The following KRCC1 variants were observed in gnomAD, a reference collection of about 807,000 sequenced individuals.
The protein encoded by KRCC1 is lysine-rich coiled-coil protein 1.
A neutral mutation model predicts 7.4 loss-of-function variants in KRCC1; 3 were observed. The observed-to-expected ratio is 0.40, with a 90% CI of 0.18 to 1.04. The LOEUF is 1.04. Among genes scored for constraint, KRCC1 ranks in the 50% least tolerant of loss-of-function variants. KRCC1 has a pLI of 0.33. For synonymous variants in KRCC1, 102 were observed against 101.6 expected (o/e 1.00, Z -0.02); for missense variants, 277 against 300.9 (o/e 0.92, Z 0.59).
chr2:88,049,230 A>C (rs183153656), intron 1 of KRCC1, among the ~76,000 whole-genome samples: 4 of 152,240 alleles, frequency 2.6e-5, no homozygotes, highest in Non-Finnish European at 5.9e-5. Context: ...GCCAATAATC[A>C]TAAGTACTCT....
intron 1 of KRCC1, among the ~76,000 whole-genome samples, chr2:88,051,571 T>C (rs781395604): frequency 2.7e-4 from 41 of 152,328 alleles, no homozygotes; most frequent in Non-Finnish European, 5.4e-4. Context: ...TATTTGCCAA[T>C]TGTCAAGTGG....
At chr2:88,028,664 T>TTTTTTTTTTC (rs60603649) in intron 3 of KRCC1, 79 bp from the exon 4 acceptor site, 2 of 712,272 alleles carry the variant, frequency 2.8e-6, no homozygotes, top group Non-Finnish European at 4.4e-6. Context: ...TTTTTTTTTT[T>TTTTTTTTTTC]CTTGAGATGG....
chr2:88,051,090 AT>A (rs1466375676), intron 1 of KRCC1, among the ~76,000 whole-genome samples: 1 of 149,490 alleles, frequency 6.7e-6, no homozygotes, highest in Non-Finnish European at 1.5e-5. Context: ...TGCCTGGCTA[AT>A]TTTTATTTTT....
chr2:88,035,886 T>G (rs1424717794), intron 2 of KRCC1, among the ~76,000 whole-genome samples: 1 of 152,136 alleles, frequency 6.6e-6, no homozygotes, highest in Admixed American at 6.6e-5. Context: ...TACAGTAGAT[T>G]AAGAATTAGG....
intron 1 of KRCC1, among the ~76,000 whole-genome samples, chr2:88,045,520 A>C (rs1673310123): frequency 6.6e-6 from 1 of 152,182 alleles, no homozygotes; most frequent in South Asian, 2.1e-4. Flanking sequence ...AATGCAAACT[A>C]ATCTCTAGTA....
intron 2 of KRCC1, among the ~76,000 whole-genome samples, chr2:88,034,873 G>C (rs1167762618): frequency 6.6e-6 from 1 of 151,994 alleles, no homozygotes; most frequent in Admixed American, 6.6e-5. Flanking sequence ...TAAGTTTTTA[G>C]ATTTCATGTA....
intron 1 of KRCC1, among the ~76,000 whole-genome samples, chr2:88,050,540 T>C (rs1673452714): frequency 1.3e-5 from 2 of 152,162 alleles, no homozygotes; most frequent in Non-Finnish European, 2.9e-5. Context: ...AGAGAATCAC[T>C]TGAACCAGGG....
intron 1 of KRCC1, among the ~76,000 whole-genome samples, chr2:88,047,717 C>T (rs963963832): frequency 6.6e-6 from 1 of 151,424 alleles, no homozygotes; most frequent in Non-Finnish European, 1.5e-5. Flanking sequence ...TTTAGTAGAA[C>T]CGGGGTTTCA....
chr2:88,028,664 T>TTC lies in KRCC1; in HGVS notation c.-22-80_-22-79insGA, dbSNP rs60603649. On this transcript the variant is annotated intron_variant, in intron 3 of 3. Transcript: ENST00000347055. ...TTGCTCTTTTTTTTTTTTTTTTTTTTCTTGAGATGGCGTCTCGCCCTGTCG... is the reference window on the plus strand; with the variant it reads ...TTGCTCTTTTTTTTTTTTTTTTTTTTTCCTTGAGATGGCGTCTCGCCCTGTCG... 5,603 of 735,326 alleles carry TTC rather than the reference T, an allele frequency of 7.6e-3. 56 individuals carry two copies. Among genetic ancestry groups the TTC allele is most frequent in the Non-Finnish European group, 9.6e-3 (4,558 of 473,080 alleles). 45.6% of individuals were successfully genotyped at this position (735,326 alleles called of 1,614,324 possible).
intron 1 of KRCC1, among the ~76,000 whole-genome samples, chr2:88,042,709 C>T (rs543074422): frequency 6.6e-6 from 1 of 152,276 alleles, no homozygotes; most frequent in Admixed American, 6.5e-5. Context: ...TGTGAGCCAC[C>T]GCAGCCACCT....
chr2:88,028,625 C>G, intron 3 of KRCC1, 40 bp from the exon 4 acceptor site: 1 of 1,103,232 alleles, frequency 9.1e-7, no homozygotes, highest in Non-Finnish European at 1.3e-6. Flanking sequence ...ATCATCTTGT[C>G]CTGAGCATTT....
chr2:88,052,704 T>C (rs1277738194), intron 1 of KRCC1, among the ~76,000 whole-genome samples: 2 of 152,238 alleles, frequency 1.3e-5, no homozygotes, highest in African/African-American at 4.8e-5. Flanking sequence ...GACATGCTTT[T>C]ATACATTTCC....
At chr2:88,038,463 G>A (rs1481893817) in intron 1 of KRCC1, among the ~76,000 whole-genome samples, 5 of 152,316 alleles carry the variant, frequency 3.3e-5, no homozygotes, top group Non-Finnish European at 2.9e-5. Context: ...ACATGGAGAT[G>A]AGTCACAATT....
intron 2 of KRCC1, among the ~76,000 whole-genome samples, chr2:88,034,977 G>C (rs1668071249): frequency 6.6e-6 from 1 of 151,922 alleles, no homozygotes; most frequent in Admixed American, 6.6e-5. Flanking sequence ...AATAAGTTTT[G>C]TTTATTTAAG....
intron 3 of KRCC1, among the ~76,000 whole-genome samples, chr2:88,028,933 G>A (rs1443217677): frequency 6.6e-6 from 1 of 152,154 alleles, no homozygotes; most frequent in Non-Finnish European, 1.5e-5. Flanking sequence ...TTACAGGCAT[G>A]AGCCACTGCA....
At chr2:88,045,262 T>C (rs924291372) in intron 1 of KRCC1, among the ~76,000 whole-genome samples, 8 of 152,198 alleles carry the variant, frequency 5.3e-5, no homozygotes, top group East Asian at 1.9e-4. Flanking sequence ...AACATATCCA[T>C]GCAGATTTGT....
intron 1 of KRCC1, among the ~76,000 whole-genome samples, chr2:88,043,197 T>C (rs1458894111): frequency 2.6e-5 from 4 of 152,218 alleles, no homozygotes; most frequent in Non-Finnish European, 2.9e-5. Context: ...TATAGGCAGA[T>C]AGGAGTAAAC....
intron 3 of KRCC1, among the ~76,000 whole-genome samples, chr2:88,031,005 A>G (rs1672980218): frequency 6.6e-6 from 1 of 152,240 alleles, no homozygotes. Flanking sequence ...TATAGCATAC[A>G]CTATGTACAG....
At chr2:88,051,017 G>A (rs371046588) in intron 1 of KRCC1, among the ~76,000 whole-genome samples, 1 of 150,378 alleles carries the variant, frequency 6.6e-6, no homozygotes, top group South Asian at 2.1e-4. Flanking sequence ...TCGACCTCCT[G>A]GATTCAAGCA....
Sources: allele counts gnomAD v4.1 joint callset (sites outside exome capture counted in the v4.1 genomes callset), GRCh38; gene constraint gnomAD v4.1.1; transcripts MANE v1.5; gene names NCBI Gene and HGNC (gene_info 2026-07-23, HGNC 2026-07-21).